The following RIC1 variants were observed in gnomAD, a reference collection of about 807,000 sequenced individuals.
RIC1 encodes the protein RIC1 partner of RAB6A GEF complex.
Under a neutral mutation model 169.0 loss-of-function variants are expected in RIC1, and 88 were observed. The ratio of observed to expected loss-of-function variants is 0.52; its 90% CI spans 0.44 to 0.62. The LOEUF is 0.62. RIC1 is among the 20% of genes least tolerant of loss of function. The probability of loss-of-function intolerance (pLI) is 0.00; values close to 1 mark genes in which losing one functional copy is unlikely to be tolerated. For synonymous variants in RIC1, 790 were observed against 601.5 expected (o/e 1.31, Z -4.59); for missense variants, 1,877 against 1,725.5 (o/e 1.09, Z -1.56).
chr9:5,772,315 A>G (rs771245004), intron 23 of RIC1, among the ~76,000 whole-genome samples: 2 of 152,152 alleles, frequency 1.3e-5, no homozygotes, highest in Admixed American at 1.3e-4. Flanking sequence ...GATTTTATTG[A>G]GGGAGTTGGG....
intron 3 of RIC1, 104 bp from the exon 4 acceptor site, chr9:5,713,792 A>C: frequency 1.5e-6 from 1 of 657,126 alleles, no homozygotes; most frequent in Non-Finnish European, 2.6e-6. Flanking sequence ...TGAATACCTG[A>C]TTTGTAAGTT....
At chr9:5,723,307 G>A (rs1319728244) in intron 6 of RIC1, among the ~76,000 whole-genome samples, 1 of 152,206 alleles carries the variant, frequency 6.6e-6, no homozygotes, top group Non-Finnish European at 1.5e-5. Context: ...TTGATGGCCA[G>A]TGATAATGAG....
At chr9:5,726,330 T>C (rs1313818199) in intron 6 of RIC1, among the ~76,000 whole-genome samples, 3 of 152,236 alleles carry the variant, frequency 2.0e-5, no homozygotes. Context: ...TCTCTATTGA[T>C]CTTTGTTGGT....
intron 2 of RIC1, among the ~76,000 whole-genome samples, chr9:5,668,050 A>G (rs774200552): frequency 5.3e-5 from 8 of 152,188 alleles, no homozygotes; most frequent in South Asian, 2.1e-4. Context: ...GAAAATTACA[A>G]TCATGGCAGC....
downstream of RIC1, among the ~76,000 whole-genome samples, chr9:5,778,396 C>A (rs954489786): frequency 2.0e-5 from 3 of 152,166 alleles, no homozygotes; most frequent in African/African-American, 7.2e-5. Flanking sequence ...CTTTCTCCTG[C>A]CAAACGGTCC....
At chr9:5,634,124 C>A (rs530799741) in intron 1 of RIC1, among the ~76,000 whole-genome samples, 51 of 152,182 alleles carry the variant, frequency 3.4e-4, no homozygotes, top group Non-Finnish European at 6.5e-4. Context: ...TTTTCTTTAT[C>A]CATTCATCTA....
intron 3 of RIC1, among the ~76,000 whole-genome samples, chr9:5,699,165 GA>G (rs1211938881): frequency 6.6e-6 from 1 of 152,130 alleles, no homozygotes; most frequent in Non-Finnish European, 1.5e-5. Flanking sequence ...ATCGATGAGG[GA>G]AAAAAATTGA....
chr9:5,651,122 CT>C (rs999756991), intron 1 of RIC1, among the ~76,000 whole-genome samples: 1 of 152,200 alleles, frequency 6.6e-6, no homozygotes, highest in African/African-American at 2.4e-5. Context: ...TCTGGACCCC[CT>C]CTCTGTAAGC....
intron 2 of RIC1, among the ~76,000 whole-genome samples, chr9:5,684,625 A>G (rs1370951212): frequency 6.6e-6 from 1 of 152,108 alleles, no homozygotes; most frequent in Non-Finnish European, 1.5e-5. Flanking sequence ...CACTTATTAT[A>G]GTTAATTCCA....
chr9:5,695,086 G>C (rs1349238812), intron 3 of RIC1, among the ~76,000 whole-genome samples: 2 of 152,288 alleles, frequency 1.3e-5, no homozygotes, highest in East Asian at 3.9e-4. Context: ...TAAGGGAATA[G>C]AGAGTGGAAT....
intron 1 of RIC1, among the ~76,000 whole-genome samples, chr9:5,653,406 T>A (rs1275432076): frequency 6.6e-6 from 1 of 152,222 alleles, no homozygotes; most frequent in Non-Finnish European, 1.5e-5. Context: ...GTTGCTAGTC[T>A]TGGTCTTTTG....
intron 10 of RIC1, among the ~76,000 whole-genome samples, 189 bp from the exon 11 acceptor site, chr9:5,745,742 T>C (rs1036698739): frequency 6.6e-6 from 1 of 152,220 alleles, no homozygotes; most frequent in Non-Finnish European, 1.5e-5. Context: ...GATGGTGATT[T>C]CCTCTGGAGT....
At chr9:5,640,594 G>A (rs375859417) in intron 1 of RIC1, among the ~76,000 whole-genome samples, 21 of 152,284 alleles carry the variant, frequency 1.4e-4, no homozygotes, top group African/African-American at 4.1e-4. Context: ...TTTATTTGAA[G>A]TTACAGAATA....
chr9:5,720,423 C>A, intron 5 of RIC1, 99 bp downstream of exon 5: 1 of 1,302,540 alleles, frequency 7.7e-7, no homozygotes, highest in Non-Finnish European at 1.1e-6. Context: ...ATTACTTATG[C>A]AAGGGGAGAG....
At chr9:5,684,871 G>A (rs369102314) in intron 2 of RIC1, among the ~76,000 whole-genome samples, 40 of 152,070 alleles carry the variant, frequency 2.6e-4, no homozygotes, top group African/African-American at 9.7e-4. Context: ...TTTTTAATCA[G>A]GAATGGATGT....
chr9:5,688,029 G>A (rs928920323), intron 2 of RIC1, among the ~76,000 whole-genome samples: 1 of 152,012 alleles, frequency 6.6e-6, no homozygotes, highest in African/African-American at 2.4e-5. Context: ...AGATATTTTA[G>A]TATTTCTGTT....
rs879894652 is a variant in RIC1 at position 5,642,174 on chromosome 9, G to A, written c.144+12721G>A. On this transcript the variant is annotated intron_variant, in intron 1 of 25. Transcript: ENST00000414202. Reference sequence around the variant, plus strand: ...CCTTGGTGGTCTTGGATAAAATCTGGAAGAATTATTTGGATTACCACGTAG... The same window carrying A: ...CCTTGGTGGTCTTGGATAAAATCTGAAAGAATTATTTGGATTACCACGTAG... 9.6e-5 allele frequency among the ~76,000 whole-genome samples: 14 copies of A among 145,148 alleles called. 2 individuals are homozygous for A. The highest frequency in any genetic ancestry group is 3.3e-4 in the Admixed American group (5 of 14,942).
chr9:5,632,507 A>T (rs36122776), intron 1 of RIC1, among the ~76,000 whole-genome samples: 20,087 of 152,132 alleles, frequency 0.13, 2,197 homozygotes, highest in African/African-American at 0.3. Flanking sequence ...AGTGTTGTTT[A>T]TGAACAAAAG....
At chr9:5,761,030 G>T (rs1826297339) in intron 17 of RIC1, among the ~76,000 whole-genome samples, 3 of 151,036 alleles carry the variant, frequency 2.0e-5, no homozygotes, top group Admixed American at 2.0e-4. Flanking sequence ...TCAGGTGATG[G>T]CCCGCTGCTC....
Sources: gnomAD v4.1 joint callset for allele counts (sites outside exome capture counted in the v4.1 genomes callset) on GRCh38, gnomAD v4.1.1 for gene constraint, MANE v1.5 for transcripts, NCBI Gene and HGNC (gene_info 2026-07-23, HGNC 2026-07-21) for gene names.